DLG2: variants seen among roughly 807,000 people sequenced by gnomAD.
DLG2 encodes disks large homolog 2.
DLG2 carries 45 observed loss-of-function variants against 132.5 expected under a neutral mutation model. The ratio of observed to expected loss-of-function variants is 0.34; its 90% CI spans 0.27 to 0.44. The LOEUF is 0.44. Ranked by LOEUF, DLG2 falls within the 20% of genes least tolerant of loss-of-function variation. The pLI is 1.00. For missense variants in DLG2, 1,045 were observed against 1,196.9 expected (o/e 0.87, Z 1.87); for synonymous variants, 424 against 419.6 (o/e 1.01, Z -0.13).
At chr11:85,267,236 C>A (rs2077269707) in intron 4 of DLG2, among the ~76,000 whole-genome samples, 2 of 152,186 alleles carry the variant, frequency 1.3e-5, no homozygotes, top group African/African-American at 4.8e-5. Context: ...GAAGGTACAA[C>A]AACACGGCTA....
At chr11:84,560,114 A>G (rs930953114) in intron 6 of DLG2, among the ~76,000 whole-genome samples, 8 of 152,082 alleles carry the variant, frequency 5.3e-5, no homozygotes, top group Non-Finnish European at 1.0e-4. Flanking sequence ...CTTTTATATA[A>G]TACTAGCTAC....
intron 15 of DLG2, among the ~76,000 whole-genome samples, chr11:83,875,596 A>G (rs990140242): frequency 2.0e-5 from 3 of 152,226 alleles, no homozygotes; most frequent in Non-Finnish European, 2.9e-5. Flanking sequence ...AGGCACAATA[A>G]TAATAATTCA....
chr11:84,523,404 C>T (rs2099310521), intron 7 of DLG2, among the ~76,000 whole-genome samples: 1 of 152,120 alleles, frequency 6.6e-6, no homozygotes, highest in Non-Finnish European at 1.5e-5. Flanking sequence ...TTCTAAAGCC[C>T]ATCTGCTTTC....
chr11:84,957,978 T>A (rs1022808028), intron 6 of DLG2, among the ~76,000 whole-genome samples: 3 of 152,108 alleles, frequency 2.0e-5, no homozygotes, highest in African/African-American at 7.2e-5. Context: ...ATGAGACAGA[T>A]CAGTGTTTGA....
At chr11:83,960,058 T>C (rs1044044167) in intron 14 of DLG2, among the ~76,000 whole-genome samples, 5 of 152,004 alleles carry the variant, frequency 3.3e-5, no homozygotes, top group African/African-American at 1.2e-4. Context: ...ATATTTCAAG[T>C]TCTAATTCTT....
intron 11 of DLG2, among the ~76,000 whole-genome samples, chr11:84,056,066 T>A (rs977612253): frequency 1.3e-5 from 2 of 152,074 alleles, no homozygotes; most frequent in Non-Finnish European, 2.9e-5. Flanking sequence ...ATGTTAAGTT[T>A]TTTTTTTCTT....
intron 7 of DLG2, among the ~76,000 whole-genome samples, chr11:84,356,216 C>A (rs754312087): frequency 6.6e-5 from 10 of 152,090 alleles, no homozygotes; most frequent in Admixed American, 4.6e-4. Flanking sequence ...GTAATTACCA[C>A]AAATGTACAT....
At chr11:84,847,316 G>A (rs1302746316) in intron 6 of DLG2, among the ~76,000 whole-genome samples, 2 of 152,116 alleles carry the variant, frequency 1.3e-5, no homozygotes, top group Non-Finnish European at 2.9e-5. Flanking sequence ...GCATGACAGT[G>A]TAAAGTATGA....
At chr11:84,923,781 G>A (rs2154085361) in intron 6 of DLG2, among the ~76,000 whole-genome samples, 1 of 152,268 alleles carries the variant, frequency 6.6e-6, no homozygotes, top group South Asian at 2.1e-4. Flanking sequence ...TGTGAACTGG[G>A]TTCCTCTGGG....
chr11:84,452,451 T>C (rs2099054262), intron 7 of DLG2, among the ~76,000 whole-genome samples: 1 of 151,784 alleles, frequency 6.6e-6, no homozygotes, highest in South Asian at 2.1e-4. Context: ...CCTGCTGTCT[T>C]AAAAATTTTG....
chr11:83,944,544 T>A (rs2083365926), intron 14 of DLG2, among the ~76,000 whole-genome samples: 1 of 152,224 alleles, frequency 6.6e-6, no homozygotes, highest in Admixed American at 6.5e-5. Context: ...TCAGAGGTGC[T>A]GTTAAGTGAA....
intron 18 of DLG2, among the ~76,000 whole-genome samples, chr11:83,672,985 C>T (rs1428132537): frequency 6.6e-6 from 1 of 152,134 alleles, no homozygotes; most frequent in Non-Finnish European, 1.5e-5. Context: ...TCACTTGAAC[C>T]CGGGAGTCGG....
At chr11:84,337,534 T>C (rs980008776) in intron 7 of DLG2, among the ~76,000 whole-genome samples, 2 of 152,306 alleles carry the variant, frequency 1.3e-5, no homozygotes, top group Admixed American at 1.3e-4. Context: ...AGATTCTACT[T>C]CTTATTTTTA....
chr11:84,541,029 C>T lies in DLG2; in HGVS notation c.358-6298G>A, dbSNP rs191613538. ...ACACAGGGTGGGGAACATCACACACCGGGACCTGTCATGTGGTGGAGGGAG... is the reference window on the plus strand; with the variant it reads ...ACACAGGGTGGGGAACATCACACACTGGGACCTGTCATGTGGTGGAGGGAG... On this transcript the variant is annotated intron_variant, in intron 6 of 27. Coordinates refer to ENST00000376104, the MANE Select transcript of DLG2 (RefSeq NM_001142699.3). Among the ~76,000 whole-genome samples, 13 of 151,888 alleles carry T rather than the reference C, an allele frequency of 8.6e-5. No individual in the cohort carries two copies. The East Asian group carries it at 9.7e-4, about 11-fold the overall frequency.
chr11:84,166,491 ACT>A (rs1433147725), intron 8 of DLG2, among the ~76,000 whole-genome samples: 1 of 107,520 alleles, frequency 9.3e-6, no homozygotes, highest in African/African-American at 3.8e-5. Flanking sequence ...ACAGAGTAAG[ACT>A]CTGCTTCAAA....
At chr11:85,458,683 A>T (rs1241059519) in intron 3 of DLG2, among the ~76,000 whole-genome samples, 1 of 152,196 alleles carries the variant, frequency 6.6e-6, no homozygotes, top group East Asian at 1.9e-4. Context: ...TTCAAATATT[A>T]GTAAAGTATT....
At chr11:85,352,323 G>A (rs569231516) in intron 3 of DLG2, among the ~76,000 whole-genome samples, 80 of 152,232 alleles carry the variant, frequency 5.3e-4, no homozygotes, top group African/African-American at 1.8e-3. Flanking sequence ...AGTCTAGCTA[G>A]TGGTCTACCT....
In DLG2 at chr11:84,598,189, T is replaced by C. The variant is rs571829668; in HGVS notation, c.358-63458A>G. ...AGAGAGATTATTTCATCCACTCTCA[T>C]TTTACTGCAGCACAGAAGGACTAAG... On this transcript the variant is annotated intron_variant, in intron 6 of 27. Coordinates refer to ENST00000376104, the MANE Select transcript of DLG2 (RefSeq NM_001142699.3). Among the ~76,000 whole-genome samples, 9 of 152,296 alleles carry C rather than the reference T, an allele frequency of 5.9e-5. 1 individual carries two copies. The highest frequency in any genetic ancestry group is 3.3e-4 in the Admixed American group (5 of 15,294).
At chr11:84,369,998 T>C (rs539758420) in intron 7 of DLG2, among the ~76,000 whole-genome samples, 1 of 152,294 alleles carries the variant, frequency 6.6e-6, no homozygotes, top group South Asian at 2.1e-4. Flanking sequence ...TTGAATCTGT[T>C]TCCACTAAAA....
Sources: gnomAD v4.1 joint callset for allele counts (sites outside exome capture counted in the v4.1 genomes callset) on GRCh38, gnomAD v4.1.1 for gene constraint, MANE v1.5 for transcripts, NCBI Gene and HGNC (gene_info 2026-07-23, HGNC 2026-07-21) for gene names.